The following TET3 variants were observed in gnomAD, a reference collection of about 807,000 sequenced individuals.
The protein encoded by TET3 is methylcytosine dioxygenase TET3.
Under a neutral mutation model 141.4 loss-of-function variants are expected in TET3, and 19 were observed. The observed-to-expected ratio is 0.13, with a 90% CI of 0.09 to 0.20. TET3 has a LOEUF of 0.20. Among genes scored for constraint, TET3 ranks in the 10% least tolerant of loss-of-function variants. TET3 has a pLI of 1.00. For synonymous variants in TET3, 1,043 were observed against 980.9 expected (o/e 1.06, Z -1.18); for missense variants, 1,874 against 2,356.9 (o/e 0.80, Z 4.24).
chr2:73,987,911 G>A (rs1684127273), intron 2 of TET3, among the ~76,000 whole-genome samples: 1 of 152,196 alleles, frequency 6.6e-6, no homozygotes, highest in Non-Finnish European at 1.5e-5. Context: ...GAGCTGGTGG[G>A]GCTGGTCCCG....
At chr2:74,112,230 CTGCAGGCCA>C (rs146174096), downstream of TET3, among the ~76,000 whole-genome samples, 2,447 of 152,202 alleles carry the variant, frequency 0.016, 65 homozygotes, top group African/African-American at 0.054. Flanking sequence ...TTTAGTAACA[CTGCAGGCCA>C]TTTGGTGTCT....
the TET3 span, among the ~76,000 whole-genome samples, chr2:74,124,312 G>C: frequency 6.7e-6 from 1 of 150,026 alleles, no homozygotes; most frequent in South Asian, 2.1e-4. Context: ...GAGGGAGGTG[G>C]GGGGTCAGCC....
intron 10 of TET3, among the ~76,000 whole-genome samples, chr2:74,095,742 C>T (rs1429642376): frequency 6.6e-6 from 1 of 152,238 alleles, no homozygotes; most frequent in African/African-American, 2.4e-5. Flanking sequence ...TTTAACCAGT[C>T]CCCTATCAAT....
At chr2:74,011,369 C>G (rs1029044050) in intron 3 of TET3, among the ~76,000 whole-genome samples, 2 of 152,234 alleles carry the variant, frequency 1.3e-5, no homozygotes, top group African/African-American at 4.8e-5. Context: ...ACCTTCACCC[C>G]GTTCCCATTG....
intron 3 of TET3, among the ~76,000 whole-genome samples, chr2:74,026,704 G>T (rs992643886): frequency 1.3e-5 from 2 of 150,164 alleles, no homozygotes; most frequent in Non-Finnish European, 3.0e-5. Context: ...TTATTGAATC[G>T]CTCGCAAACT....
intron 4 of TET3, among the ~76,000 whole-genome samples, chr2:74,064,763 C>A (rs577022308): frequency 2.6e-5 from 4 of 152,158 alleles, no homozygotes; most frequent in Admixed American, 6.5e-5. Context: ...TTTGAAAAAA[C>A]TGACAAAATG....
At chr2:74,044,619 G>A (rs1312568328) in intron 3 of TET3, among the ~76,000 whole-genome samples, 1 of 152,246 alleles carries the variant, frequency 6.6e-6, no homozygotes, top group Non-Finnish European at 1.5e-5. Context: ...TGGTGATGGC[G>A]TGGTTGACCA....
chr2:73,984,523 G>A (rs1318142213), upstream of TET3, among the ~76,000 whole-genome samples: 1 of 152,040 alleles, frequency 6.6e-6, no homozygotes, highest in African/African-American at 2.4e-5. The surrounding 1 kb of genome is among the most constrained non-coding windows in gnomAD (Gnocchi z 5.6). Context: ...TGGCCCGCAG[G>A]GAGTGGCAGG....
chr2:74,121,101 G>C, the TET3 span: 1 of 152,102 alleles, frequency 6.6e-6, no homozygotes, highest in Non-Finnish European at 1.5e-5. Flanking sequence ...TCAGTATTTT[G>C]AGAAAATGCC....
At chr2:74,017,083 C>G (rs1685767517) in intron 3 of TET3, among the ~76,000 whole-genome samples, 1 of 151,990 alleles carries the variant, frequency 6.6e-6, no homozygotes, top group Non-Finnish European at 1.5e-5. Flanking sequence ...GTGGGAAGTT[C>G]AAGACCAGCC....
chr2:74,025,357 C>T (rs560233658), intron 3 of TET3, among the ~76,000 whole-genome samples: 1 of 149,082 alleles, frequency 6.7e-6, no homozygotes, highest in African/African-American at 2.5e-5. Flanking sequence ...GGCGCGATCT[C>T]GGCTCACTGC....
rs138960184 is a variant in TET3, at chr2:74,057,559, T to C, written c.2494+9148T>C. ...TCTGCCCACTCTATTTTTGGGCAAA[T>C]AAGTATAGACCAGTGGCTTTCAATT... On this transcript the variant is annotated intron_variant, in intron 4 of 11. Transcript: ENST00000409262. 5.4e-3 allele frequency among the ~76,000 whole-genome samples: 827 copies of C among 152,304 alleles called. 4 individuals are homozygous for C. Among genetic ancestry groups the C allele is most frequent in the African/African-American group, 0.019 (784 of 41,560 alleles).
intron 3 of TET3, among the ~76,000 whole-genome samples, chr2:74,008,508 C>T (rs1411424408): frequency 6.6e-6 from 1 of 152,216 alleles, no homozygotes; most frequent in Non-Finnish European, 1.5e-5. Flanking sequence ...GAATTTTGAG[C>T]TTATTCCATG....
rs201715061 is a variant in TET3 at position 74,046,937 on chromosome 2, C to G, written c.1020C>G (p.Ser340=). The G allele has an allele frequency of 6.6e-4, 1,064 of 1,613,946 alleles. 2 individuals carry two copies. The highest frequency in any genetic ancestry group is 3.6e-3 in the Middle Eastern group (22 of 6,062). The part of the protein sequence containing the change: ...QISPQEGLPL[S]QSALSIAKEK... ...CTCCCCAAGAGGGCCTGCCCCTGTCCCAGAGTGCCCTGAGCATTGCCAAGG... is the reference window on the plus strand; with the variant it reads ...CTCCCCAAGAGGGCCTGCCCCTGTCGCAGAGTGCCCTGAGCATTGCCAAGG... The change falls in exon 4 of 12, where the codon TCC becomes TCG. Residue 340 remains serine (S), a synonymous_variant. Transcript: ENST00000409262. The surrounding 1 kb of genome is among the most constrained non-coding windows in gnomAD (Gnocchi z 4.3).
chr2:74,111,850 C>T (rs79524907), downstream of TET3, among the ~76,000 whole-genome samples: 1 of 152,298 alleles, frequency 6.6e-6, no homozygotes, highest in Non-Finnish European at 1.5e-5. Context: ...GACCCACAAA[C>T]CCAAGGGACA....
chr2:74,068,341 G>A (rs977837954), intron 4 of TET3, among the ~76,000 whole-genome samples: 4 of 134,120 alleles, frequency 3.0e-5, no homozygotes, highest in Non-Finnish European at 4.9e-5. Flanking sequence ...GTGTGTACAC[G>A]AACTAGCATC....
rs534858955 is a variant in TET3 at position 74,014,319 on chromosome 2, T to A, written c.360+11153T>A. ...CCTAATTCTCTTGGTTTTGATATTT[T>A]ATGTCTGGAGTTCTTGGAGAGGTTT... On this transcript the variant is annotated intron_variant, in intron 3 of 11. Coordinates refer to ENST00000409262, the MANE Select transcript of TET3 (RefSeq NM_001287491.2). 5.3e-5 allele frequency among the ~76,000 whole-genome samples: 8 copies of A among 152,326 alleles called. No individual in the cohort carries two copies. The South Asian group carries it at 1.7e-3, about 32-fold the overall frequency.
Position 74,101,158 on chromosome 2 carries a change from G to A in TET3, c.4370G>A (p.Gly1457Asp), listed in dbSNP as rs770505378. The A allele has an allele frequency of 6.2e-7, 1 of 1,613,874 alleles. No individual in the cohort carries two copies. Among genetic ancestry groups the A allele is most frequent in the Non-Finnish European group, 8.5e-7 (1 of 1,179,878 alleles). The change falls in exon 12 of 12, where the codon GGT becomes GAT. Residue 1457 changes from glycine to aspartate, a missense_variant. By Grantham distance (94) the Gly-to-Asp change is moderately conservative. Coordinates refer to ENST00000409262, the MANE Select transcript of TET3 (RefSeq NM_001287491.2). This position sits in a 1 kb window ranked among gnomAD's most constrained non-coding sequence, Gnocchi z 8.5. ...KRTNGVGGSWGVFSSGESPAI... is the reference protein window; with the variant it reads ...KRTNGVGGSWDVFSSGESPAI... Reference sequence around the variant, plus strand: ...ACTAACGGTGTGGGTGGCAGCTGGGGTGTGTTCTCGTCTGGGGAGAGTCCT... The same window carrying A: ...ACTAACGGTGTGGGTGGCAGCTGGGATGTGTTCTCGTCTGGGGAGAGTCCT...
the TET3 span, among the ~76,000 whole-genome samples, chr2:74,132,234 G>A: frequency 1.3e-5 from 2 of 152,084 alleles, no homozygotes; most frequent in African/African-American, 4.8e-5. Flanking sequence ...GACCCCACCT[G>A]GTTAGTCCAG....
Sources: gnomAD v4.1 joint callset for allele counts (sites outside exome capture counted in the v4.1 genomes callset) on GRCh38, gnomAD v4.1.1 for gene constraint, Gnocchi (gnomAD v3.1) non-coding constraint, MANE v1.5 for transcripts, NCBI Gene and HGNC (gene_info 2026-07-23, HGNC 2026-07-21) for gene names.